Variants in CDK5RAP2 observed in about 807,000 individuals in gnomAD.
CDK5RAP2 encodes the protein CDK5 regulatory subunit associated protein 2.
CDK5RAP2 carries 147 observed loss-of-function variants against 232.9 expected under a neutral mutation model. The observed-to-expected ratio is 0.63, with a 90% confidence interval of 0.55 to 0.72. The LOEUF is 0.72. Among genes scored for constraint, CDK5RAP2 ranks in the 30% least tolerant of loss-of-function variants. The pLI, the probability that CDK5RAP2 is intolerant of heterozygous loss-of-function variation, is 0.00. For missense variants in CDK5RAP2, 2,195 were observed against 2,231.5 expected (o/e 0.98, Z 0.33); for synonymous variants, 833 against 833.7 (o/e 1.00, Z 0.01).
At chr9:120,536,346 G>A in intron 7 of CDK5RAP2, 26 bp downstream of exon 7, 1 of 1,612,330 alleles carries the variant, frequency 6.2e-7, no homozygotes, top group Non-Finnish European at 8.5e-7. Flanking sequence ...TGTGATGTCA[G>A]GGTATGACAG....
chr9:120,490,707 C>T (rs973725780), intron 13 of CDK5RAP2, among the ~76,000 whole-genome samples: 2 of 152,190 alleles, frequency 1.3e-5, no homozygotes, highest in Admixed American at 6.5e-5. Flanking sequence ...ACAAGCCACA[C>T]TTATCCAAAA....
chr9:120,567,172 C>T (rs928941797), intron 3 of CDK5RAP2, among the ~76,000 whole-genome samples: 2 of 152,186 alleles, frequency 1.3e-5, no homozygotes, highest in African/African-American at 4.8e-5. Flanking sequence ...AAATCTCATT[C>T]GTTTGAGGCC....
chr9:120,470,035 C>T (rs950469749), intron 17 of CDK5RAP2, 76 bp downstream of exon 17: 19 of 778,274 alleles, frequency 2.4e-5, no homozygotes, highest in Non-Finnish European at 4.2e-5. Flanking sequence ...ATCTTAACCT[C>T]TCATGAGGAA....
At chr9:120,408,802 C>T (rs1168552959) in intron 30 of CDK5RAP2, among the ~76,000 whole-genome samples, 1 of 152,246 alleles carries the variant, frequency 6.6e-6, no homozygotes, top group African/African-American at 2.4e-5. Context: ...TCAGGGCCTG[C>T]GCCCATTCTG....
At position 120,437,499 on chromosome 9, in the gene CDK5RAP2, T is replaced by C; in HGVS notation, c.3751A>G (p.Arg1251Gly). The C allele has an allele frequency of 6.2e-7, 1 of 1,614,012 alleles. No homozygotes were observed. Among genetic ancestry groups the C allele is most frequent in the Non-Finnish European group, 8.5e-7 (1 of 1,179,842 alleles). ...TGCTGCCGTTGAAGGGAGAGCTCCC[T>C]GGCTTGGGACTGAACTAATGAATCG... is the stretch of plus-strand genomic sequence containing the variant. ...RYDSLVQSQA[R>G]ELSLQRQQIK... The change falls in exon 25 of 38, where the codon AGG becomes GGG. Residue 1251 changes from arginine to glycine, a missense_variant. Arg to Gly is a moderately radical substitution (Grantham distance 125). Coordinates refer to ENST00000349780, the MANE Select transcript of CDK5RAP2 (RefSeq NM_018249.6).
At chr9:120,503,488 TGAGTAC>T (rs1461885170) in intron 12 of CDK5RAP2, among the ~76,000 whole-genome samples, 1 of 152,206 alleles carries the variant, frequency 6.6e-6, no homozygotes, top group African/African-American at 2.4e-5. Flanking sequence ...ATGTCTTGCC[TGAGTAC>T]AACAATCAGA....
At chr9:120,428,532 A>G (rs569480920) in intron 25 of CDK5RAP2, among the ~76,000 whole-genome samples, 5 of 152,236 alleles carry the variant, frequency 3.3e-5, no homozygotes, top group African/African-American at 1.2e-4. Flanking sequence ...TCCTCGACAC[A>G]TACACTATCC....
In CDK5RAP2 at chr9:120,468,004, G is replaced by T; in HGVS notation, c.1969-7C>A. On this transcript the variant is annotated splice_polypyrimidine_tract_variant and splice_region_variant and intron_variant, in intron 17 of 37. Coordinates refer to ENST00000349780, the MANE Select transcript of CDK5RAP2 (RefSeq NM_018249.6). ...GCTGTATAAGGTCACTGACCTAGGA[G>T]GTAAGAACAGGGAAAAGGCTGTCTA... The T allele has an allele frequency of 6.2e-7, 1 of 1,613,846 alleles. No homozygotes were observed. Among genetic ancestry groups the T allele is most frequent in the East Asian group, 2.2e-5 (1 of 44,876 alleles).
chr9:120,413,083 T>G (rs1272215943), intron 28 of CDK5RAP2, among the ~76,000 whole-genome samples: 1 of 152,204 alleles, frequency 6.6e-6, no homozygotes, highest in Non-Finnish European at 1.5e-5. Context: ...AATGATAGAC[T>G]GGACCCAAAA....
At chr9:120,558,423 T>G (rs1296081162) in intron 3 of CDK5RAP2, among the ~76,000 whole-genome samples, 2 of 144,554 alleles carry the variant, frequency 1.4e-5, no homozygotes, top group Non-Finnish European at 3.0e-5. Flanking sequence ...GGCAGTGTGA[T>G]GTAACAAGAG....
chr9:120,419,940 G>A lies in CDK5RAP2; in HGVS notation c.4025C>T (p.Thr1342Ile), dbSNP rs1215603152. 1 of 1,613,912 alleles carries A rather than the reference G, an allele frequency of 6.2e-7. No individual in the cohort carries two copies. The highest frequency in any genetic ancestry group is 8.5e-7 in the Non-Finnish European group (1 of 1,179,810). ...LMERIEEDNL[T>I]YQHLLPESPE... is the part of the protein sequence containing the mutation. ...AGATTCAGGCAGAAGATGTTGGTAG[G>A]TTAAGTTGTCTTCCTCAATCCTTAA... is the stretch of plus-strand genomic sequence containing the variant. The change falls in exon 27 of 38, where the codon ACC becomes ATC. Residue 1342 changes from threonine to isoleucine, a missense_variant. Physicochemically the swap from Thr to Ile is moderately conservative, Grantham distance 89. Coordinates refer to ENST00000349780, the MANE Select transcript of CDK5RAP2 (RefSeq NM_018249.6).
intron 14 of CDK5RAP2, among the ~76,000 whole-genome samples, chr9:120,484,709 G>A (rs899984461): frequency 1.4e-4 from 22 of 151,928 alleles, no homozygotes; most frequent in African/African-American, 4.8e-4. Context: ...GGGTAACAGA[G>A]CAAGACTCTG....
chr9:120,535,123 T>G (rs910584038), intron 7 of CDK5RAP2, among the ~76,000 whole-genome samples: 1 of 152,214 alleles, frequency 6.6e-6, no homozygotes, highest in Admixed American at 6.5e-5. Context: ...GTTTCCTCAC[T>G]CACCTTGAAA....
intron 3 of CDK5RAP2, among the ~76,000 whole-genome samples, chr9:120,559,324 A>G (rs2042369658): frequency 6.6e-6 from 1 of 151,828 alleles, no homozygotes; most frequent in Admixed American, 6.6e-5. Flanking sequence ...CGTCTCTACT[A>G]AAAATACAAA....
intron 12 of CDK5RAP2, among the ~76,000 whole-genome samples, chr9:120,498,649 G>C (rs1745919104): frequency 6.6e-6 from 1 of 151,922 alleles, no homozygotes; most frequent in African/African-American, 2.4e-5. Flanking sequence ...GGGGATATAT[G>C]GGAACTCGCT....
At chr9:120,389,392 G>T in intron 37 of CDK5RAP2, 100 bp from the exon 38 acceptor site, 1 of 934,554 alleles carries the variant, frequency 1.1e-6, no homozygotes. Context: ...TTCTCAAAGT[G>T]CTTTCAAAAA....
chr9:120,549,764 G>C (rs2041983866), intron 4 of CDK5RAP2, among the ~76,000 whole-genome samples: 1 of 152,136 alleles, frequency 6.6e-6, no homozygotes. Flanking sequence ...ACTGCTTTAG[G>C]CTATTGGTTT....
chr9:120,562,492 G>A (rs1039882059), intron 3 of CDK5RAP2, among the ~76,000 whole-genome samples: 2 of 152,084 alleles, frequency 1.3e-5, no homozygotes, highest in Non-Finnish European at 2.9e-5. Flanking sequence ...GCTATATGTT[G>A]TGCACAGAGC....
At chr9:120,563,127 C>T (rs768821902) in intron 3 of CDK5RAP2, among the ~76,000 whole-genome samples, 1 of 152,090 alleles carries the variant, frequency 6.6e-6, no homozygotes, top group African/African-American at 2.4e-5. Context: ...GTTGGGGTAG[C>T]CTCTCTAACA....
Sources: allele counts gnomAD v4.1 joint callset (sites outside exome capture counted in the v4.1 genomes callset), GRCh38; gene constraint gnomAD v4.1.1; transcripts MANE v1.5; gene names NCBI Gene and HGNC (gene_info 2026-07-23, HGNC 2026-07-21).